Variants in NMNAT3 observed in about 807,000 individuals in gnomAD.
NMNAT3 encodes nicotinamide/nicotinic acid mononucleotide adenylyltransferase 3.
NMNAT3 carries 21 observed loss-of-function variants against 24.8 expected under a neutral mutation model. The ratio of observed to expected loss-of-function variants is 0.85; its 90% CI spans 0.60 to 1.22. The LOEUF is 1.22. NMNAT3 is among the 50% of genes most tolerant of loss of function. The pLI, the probability that NMNAT3 is intolerant of heterozygous loss-of-function variation, is 0.00. For missense variants in NMNAT3, 387 were observed against 436.6 expected, an observed-to-expected ratio of 0.89 and a Z score of 1.01; for synonymous variants, 136 against 155.2, an observed-to-expected ratio of 0.88 and a Z score of 0.92.
chr3:139,672,448 T>G (rs1246455395), intron 1 of NMNAT3, among the ~76,000 whole-genome samples: 3 of 152,240 alleles, frequency 2.0e-5, no homozygotes, highest in Non-Finnish European at 4.4e-5. Flanking sequence ...TCAAGAGGCA[T>G]AAATACTGTC....
At chr3:139,645,272 C>T (rs1202596502) in intron 1 of NMNAT3, among the ~76,000 whole-genome samples, 1 of 152,134 alleles carries the variant, frequency 6.6e-6, no homozygotes, top group East Asian at 1.9e-4. Context: ...ACAGCAAAAG[C>T]ACCAATAGTT....
At chr3:139,642,557 G>C (rs532810425) in intron 1 of NMNAT3, among the ~76,000 whole-genome samples, 1 of 152,168 alleles carries the variant, frequency 6.6e-6, no homozygotes, top group Non-Finnish European at 1.5e-5. Flanking sequence ...ACTTTTGAAT[G>C]AACATTATTT....
intron 1 of NMNAT3, among the ~76,000 whole-genome samples, chr3:139,675,458 C>T (rs2057898912): frequency 6.6e-6 from 1 of 152,130 alleles, no homozygotes; most frequent in Non-Finnish European, 1.5e-5. Flanking sequence ...TAGTTTTCTC[C>T]AACTTTTGCT....
intron 3 of NMNAT3, among the ~76,000 whole-genome samples, chr3:139,592,435 C>G (rs1183945487): frequency 6.6e-6 from 1 of 152,194 alleles, no homozygotes; most frequent in African/African-American, 2.4e-5. Flanking sequence ...TCTAGCAAGG[C>G]AGGCCAACAT....
At chr3:139,568,885 C>A (rs1937609872) in intron 6 of NMNAT3, 1 of 152,158 alleles carries the variant, frequency 6.6e-6, no homozygotes, top group South Asian at 2.1e-4. Flanking sequence ...CAGTTCAATT[C>A]CTGGGTATCC....
chr3:139,626,945 C>G (rs1161268444), intron 3 of NMNAT3, among the ~76,000 whole-genome samples: 2 of 151,950 alleles, frequency 1.3e-5, no homozygotes, highest in Non-Finnish European at 2.9e-5. Flanking sequence ...CATAAATATA[C>G]AAGTAAATAA....
intron 3 of NMNAT3, among the ~76,000 whole-genome samples, chr3:139,618,005 C>T (rs1257604741): frequency 6.6e-6 from 1 of 152,232 alleles, no homozygotes; most frequent in Non-Finnish European, 1.5e-5. Context: ...AAACCACCCA[C>T]ATCCACTACA....
intron 1 of NMNAT3, among the ~76,000 whole-genome samples, chr3:139,665,746 G>A (rs2057559165): frequency 6.6e-6 from 1 of 151,140 alleles, no homozygotes; most frequent in East Asian, 1.9e-4. Flanking sequence ...GAGAGAGAGA[G>A]AGAGAGAGAG....
intron 3 of NMNAT3, among the ~76,000 whole-genome samples, chr3:139,626,253 A>G (rs1176096288): frequency 6.6e-6 from 1 of 151,996 alleles, no homozygotes; most frequent in African/African-American, 2.4e-5. Context: ...CAAGTATATT[A>G]AGCTGCTTCA....
chr3:139,576,412 A>C (rs1325982063), intron 5 of NMNAT3: 2 of 270,218 alleles, frequency 7.4e-6, no homozygotes, highest in East Asian at 3.6e-4. Flanking sequence ...TGCACAAAAT[A>C]CATATGGGAA....
chr3:139,565,118 T>C (rs1936977985), intron 6 of NMNAT3, among the ~76,000 whole-genome samples: 1 of 152,192 alleles, frequency 6.6e-6, no homozygotes, highest in Non-Finnish European at 1.5e-5. Context: ...AGTTTCTTTA[T>C]GCTATGTATA....
chr3:139,569,015 T>C (rs1267299292), intron 6 of NMNAT3: 1 of 152,236 alleles, frequency 6.6e-6, no homozygotes, highest in Admixed American at 6.5e-5. Flanking sequence ...GCTTTATGAA[T>C]GTGGGTGCTC....
In NMNAT3 at chr3:139,666,215, C is replaced by A. The variant is rs1022524253; in HGVS notation, c.-141+11490G>T. On this transcript the variant is annotated intron_variant, in intron 1 of 6. Transcript: ENST00000643695. The stretch of plus-strand genomic sequence containing the variant: ...CCACAGAGAGGTGGGTCTATTTTGT[C>A]CCCCTGAAGATAGGCAGGCCAGAAA... Among the ~76,000 whole-genome samples, 6 of 152,172 alleles carry A rather than the reference C, an allele frequency of 3.9e-5. No homozygotes were observed. The East Asian group carries it at 1.2e-3, about 29-fold the overall frequency.
chr3:139,622,697 T>C (rs1160555331), intron 3 of NMNAT3, among the ~76,000 whole-genome samples: 2 of 149,118 alleles, frequency 1.3e-5, no homozygotes, highest in African/African-American at 4.9e-5. Flanking sequence ...ATCATGGCAC[T>C]GCACTCCAGC....
rs1166869579 is a variant in NMNAT3, at chr3:139,578,857, A to C, written c.575+15T>G. 6.2e-7 allele frequency: 1 copy of C among 1,607,466 alleles called. No individual in the cohort carries two copies. The highest frequency in any genetic ancestry group is 2.2e-5 in the East Asian group (1 of 44,772). On this transcript the variant is annotated intron_variant, in intron 5 of 6. Coordinates refer to ENST00000643695, the MANE Select transcript of NMNAT3 (RefSeq NM_001320510.2). ...GTGGCCCCTGGTCATCACACAGGAG[A>C]GTGACTACCATTACCTCAGCACCTT...
intron 5 of NMNAT3, among the ~76,000 whole-genome samples, chr3:139,573,972 C>CAA (rs371167978): frequency 6.8e-6 from 1 of 146,656 alleles, no homozygotes; most frequent in African/African-American, 2.5e-5. Context: ...CAATATTTCT[C>CAA]AAAAAAAAAA....
At chr3:139,606,943 G>T (rs1364961449) in intron 3 of NMNAT3, among the ~76,000 whole-genome samples, 1 of 151,858 alleles carries the variant, frequency 6.6e-6, no homozygotes, top group Admixed American at 6.6e-5. Flanking sequence ...GCATTTCCTT[G>T]CTTTCAGAAC....
intron 1 of NMNAT3, among the ~76,000 whole-genome samples, chr3:139,654,213 G>A (rs1008965216): frequency 1.3e-5 from 2 of 152,164 alleles, no homozygotes; most frequent in African/African-American, 4.8e-5. Flanking sequence ...TAAAAATAAA[G>A]TCAACTTCAA....
chr3:139,566,925 T>C (rs1937326021), intron 6 of NMNAT3: 1 of 152,244 alleles, frequency 6.6e-6, no homozygotes, highest in African/African-American at 2.4e-5. Context: ...TTGATGGAGA[T>C]GGCATTGAAT....
Sources: allele counts gnomAD v4.1 joint callset (sites outside exome capture counted in the v4.1 genomes callset), GRCh38; gene constraint gnomAD v4.1.1; transcripts MANE v1.5; gene names NCBI Gene and HGNC (gene_info 2026-07-23, HGNC 2026-07-21).